Variants in ARK2C observed in about 807,000 individuals in gnomAD.
ARK2C encodes the protein arkadia (RNF111) C-terminal like ring finger ubiquitin ligase 2C, also known as E3 ubiquitin-protein ligase ARK2C.
the ARK2C span, among the ~76,000 whole-genome samples, chr18:46,436,012 T>A: frequency 6.6e-6 from 1 of 152,220 alleles, no homozygotes; most frequent in Admixed American, 6.5e-5. Context: ...ATAATTTCCC[T>A]CACTCAGCAC....
the ARK2C span, among the ~76,000 whole-genome samples, chr18:46,405,990 C>T: frequency 6.6e-6 from 1 of 152,092 alleles, no homozygotes; most frequent in Non-Finnish European, 1.5e-5. Context: ...ATGCCACCCA[C>T]TCCCCTCAGA....
the ARK2C span, among the ~76,000 whole-genome samples, chr18:46,406,952 C>T: frequency 6.6e-6 from 1 of 151,526 alleles, no homozygotes; most frequent in Admixed American, 6.6e-5. Flanking sequence ...CTGAGATCAC[C>T]CTCATCATGT....
the ARK2C span, among the ~76,000 whole-genome samples, chr18:46,363,218 G>C: frequency 1.3e-5 from 2 of 152,208 alleles, no homozygotes; most frequent in Admixed American, 6.5e-5. Context: ...TGTCAGCCAA[G>C]AACATCCCTC....
At chr18:46,412,368 A>C in the ARK2C span, among the ~76,000 whole-genome samples, 1 of 152,232 alleles carries the variant, frequency 6.6e-6, no homozygotes, top group Non-Finnish European at 1.5e-5. Flanking sequence ...GGTTACCACT[A>C]AGCCTGCAGG....
At chr18:46,438,465 G>T in the ARK2C span, among the ~76,000 whole-genome samples, 1 of 152,220 alleles carries the variant, frequency 6.6e-6, no homozygotes, top group Admixed American at 6.5e-5. Context: ...GGATTGGGAT[G>T]ACTCTGTTCC....
the ARK2C span, among the ~76,000 whole-genome samples, chr18:46,378,975 C>T: frequency 6.6e-6 from 1 of 152,232 alleles, no homozygotes; most frequent in African/African-American, 2.4e-5. Flanking sequence ...GAAGGGACCT[C>T]ACTGTCCCCA....
chr18:46,435,728 G>C, the ARK2C span, among the ~76,000 whole-genome samples: 1 of 152,234 alleles, frequency 6.6e-6, no homozygotes, highest in Non-Finnish European at 1.5e-5. Flanking sequence ...CCTGGGGGGA[G>C]AGCAGAAAGG....
chr18:46,390,734 C>T, the ARK2C span, among the ~76,000 whole-genome samples: 2 of 152,092 alleles, frequency 1.3e-5, no homozygotes, highest in African/African-American at 2.4e-5. Context: ...GGCGGTGGCT[C>T]GGAATCCTAT....
At chr18:46,420,583 G>A in the ARK2C span, among the ~76,000 whole-genome samples, 2 of 152,080 alleles carry the variant, frequency 1.3e-5, no homozygotes, top group Middle Eastern at 3.4e-3. Context: ...GGTGGCTCAC[G>A]CCTGTAATCT....
chr18:46,433,029 G>A, the ARK2C span, among the ~76,000 whole-genome samples: 2 of 152,174 alleles, frequency 1.3e-5, no homozygotes, highest in Admixed American at 1.3e-4. Context: ...CACCTGGCTG[G>A]GTTAAGGATG....
At chr18:46,394,218 G>A in the ARK2C span, among the ~76,000 whole-genome samples, 38 of 152,326 alleles carry the variant, frequency 2.5e-4, no homozygotes, top group Non-Finnish European at 5.3e-4. Flanking sequence ...GAAGGGACAA[G>A]GTGCCTGCCT....
chr18:46,388,576 C>G, the ARK2C span, among the ~76,000 whole-genome samples: 1 of 152,136 alleles, frequency 6.6e-6, no homozygotes, highest in Non-Finnish European at 1.5e-5. Flanking sequence ...GGGGTTGGCA[C>G]TGAACCAAGC....
At chr18:46,406,252 C>T in the ARK2C span, among the ~76,000 whole-genome samples, 1 of 152,220 alleles carries the variant, frequency 6.6e-6, no homozygotes, top group Admixed American at 6.5e-5. Context: ...CTCTCAACCT[C>T]CCCAGAGAGT....
the ARK2C span, among the ~76,000 whole-genome samples, chr18:46,357,429 G>A: frequency 1.3e-5 from 2 of 152,224 alleles, no homozygotes; most frequent in Admixed American, 6.5e-5. Flanking sequence ...AAGTGCTGAG[G>A]ATCAGAAATA....
the ARK2C span, among the ~76,000 whole-genome samples, chr18:46,391,463 T>A: frequency 2.0e-5 from 3 of 152,248 alleles, no homozygotes; most frequent in East Asian, 5.8e-4. Flanking sequence ...TGGTTGCCGC[T>A]ATTCCACCCT....
the ARK2C span, among the ~76,000 whole-genome samples, chr18:46,400,439 T>A: frequency 1.3e-5 from 2 of 152,218 alleles, no homozygotes; most frequent in Non-Finnish European, 2.9e-5. Context: ...AGTGCCATTA[T>A]GGCCCCTGTC....
At chr18:46,443,455 T>G in the ARK2C span, among the ~76,000 whole-genome samples, 2 of 152,222 alleles carry the variant, frequency 1.3e-5, no homozygotes, top group Non-Finnish European at 2.9e-5. Context: ...CCCCTTTGCA[T>G]CCTTTGCTAC....
the ARK2C span, among the ~76,000 whole-genome samples, chr18:46,410,935 A>G: frequency 3.3e-5 from 5 of 152,174 alleles, no homozygotes; most frequent in Admixed American, 6.5e-5. Context: ...TCTCCTGGGC[A>G]CCAGTGTGTG....
At chr18:46,383,008 C>T in the ARK2C span, among the ~76,000 whole-genome samples, 1 of 152,272 alleles carries the variant, frequency 6.6e-6, no homozygotes, top group African/African-American at 2.4e-5. Context: ...GGTCTGGAAC[C>T]TCATGCACCC....
Sources: gnomAD v4.1 joint callset for allele counts (sites outside exome capture counted in the v4.1 genomes callset) on GRCh38, gnomAD v4.1.1 for gene constraint, MANE v1.5 for transcripts, NCBI Gene and HGNC (gene_info 2026-07-23, HGNC 2026-07-21) for gene names.